The following AGBL1 variants were observed in gnomAD, a reference collection of about 807,000 sequenced individuals.
The protein encoded by AGBL1 is cytosolic carboxypeptidase 4.
A neutral mutation model predicts 118.9 loss-of-function variants in AGBL1; 130 were observed. The ratio of observed to expected loss-of-function variants is 1.09; its 90% CI spans 0.95 to 1.26. AGBL1 has a LOEUF of 1.26. AGBL1 is among the 50% of genes most tolerant of loss of function. The pLI, the probability that AGBL1 is intolerant of heterozygous loss-of-function variation, is 0.00. For missense variants in AGBL1, 1,584 were observed against 1,298.1 expected, an observed-to-expected ratio of 1.22 and a Z score of -3.38; for synonymous variants, 555 against 478.9, an observed-to-expected ratio of 1.16 and a Z score of -2.08.
chr15:86,477,944 A>T lies in AGBL1; in HGVS notation c.2556-44866A>T, dbSNP rs189284234. On this transcript the variant is annotated intron_variant, in intron 18 of 22. Transcript: ENST00000614907. The stretch of plus-strand genomic sequence containing the variant: ...TGATTCAACATACGCAAATCAAGAA[A>T]CATAATCCAGCATATAAACAGAATG... Among the ~76,000 whole-genome samples the T allele has an allele frequency of 2.4e-3, 363 of 152,312 alleles. 1 individual carries two copies. Among genetic ancestry groups the T allele is most frequent in the African/African-American group, 8.5e-3 (353 of 41,552 alleles).
At chr15:86,509,518 G>T (rs2083026842) in intron 18 of AGBL1, among the ~76,000 whole-genome samples, 1 of 152,086 alleles carries the variant, frequency 6.6e-6, no homozygotes, top group South Asian at 2.1e-4. Flanking sequence ...TAGGTAACAG[G>T]AGTCAGTGAA....
intron 22 of AGBL1, among the ~76,000 whole-genome samples, chr15:86,752,417 A>G (rs2077868122): frequency 6.6e-6 from 1 of 152,144 alleles, no homozygotes; most frequent in Non-Finnish European, 1.5e-5. Context: ...AGACAAAGCC[A>G]TTCATCTTTT....
At chr15:86,574,725 G>T (rs1051729432) in intron 21 of AGBL1, among the ~76,000 whole-genome samples, 1 of 151,366 alleles carries the variant, frequency 6.6e-6, no homozygotes, top group Admixed American at 6.6e-5. Context: ...CTACAGGCAA[G>T]CACCACCACT....
At chr15:86,842,448 T>C (rs1381566454) in intron 22 of AGBL1, among the ~76,000 whole-genome samples, 1 of 152,182 alleles carries the variant, frequency 6.6e-6, no homozygotes, top group African/African-American at 2.4e-5. Context: ...GGCCCAGCCA[T>C]GGGGCTGGTC....
chr15:86,138,734 C>A (rs932629091), intron 1 of AGBL1, among the ~76,000 whole-genome samples: 1 of 151,972 alleles, frequency 6.6e-6, no homozygotes, highest in Non-Finnish European at 1.5e-5. Flanking sequence ...CTTTTCCTTG[C>A]TCATGATTTA....
chr15:86,468,815 G>T (rs1596152790), intron 18 of AGBL1, among the ~76,000 whole-genome samples: 1 of 152,274 alleles, frequency 6.6e-6, no homozygotes, highest in African/African-American at 2.4e-5. Context: ...GGGATGTAAA[G>T]AAATTAGGAG....
At chr15:86,745,830 A>T (rs2077748460) in intron 22 of AGBL1, among the ~76,000 whole-genome samples, 1 of 151,962 alleles carries the variant, frequency 6.6e-6, no homozygotes, top group Non-Finnish European at 1.5e-5. Context: ...TTCCCATGAC[A>T]CCTGGAGAAC....
At chr15:86,704,514 C>T (rs900309947) in intron 22 of AGBL1, among the ~76,000 whole-genome samples, 3 of 152,066 alleles carry the variant, frequency 2.0e-5, no homozygotes, top group African/African-American at 7.2e-5. Context: ...TTTATGTGGC[C>T]AACAAACATA....
intron 23 of AGBL1, among the ~76,000 whole-genome samples, chr15:86,965,201 C>T (rs184011648): frequency 3.9e-5 from 6 of 152,208 alleles, no homozygotes; most frequent in East Asian, 3.9e-4. Flanking sequence ...CTTGAGGAAT[C>T]GCCACACTCT....
At chr15:86,683,198 G>T (rs1186289563) in intron 22 of AGBL1, among the ~76,000 whole-genome samples, 3 of 151,966 alleles carry the variant, frequency 2.0e-5, no homozygotes, top group Admixed American at 6.6e-5. Context: ...TCTCTTTATA[G>T]TTCCTTAACG....
At chr15:86,224,170 C>A (rs1597582936) in intron 5 of AGBL1, among the ~76,000 whole-genome samples, 1 of 152,144 alleles carries the variant, frequency 6.6e-6, no homozygotes, top group East Asian at 1.9e-4. Context: ...CAACTCTCCT[C>A]CCTATAATTA....
intron 23 of AGBL1, among the ~76,000 whole-genome samples, chr15:86,986,254 A>C (rs779986386): frequency 6.6e-6 from 1 of 152,184 alleles, no homozygotes; most frequent in Non-Finnish European, 1.5e-5. Context: ...ACTATCTGTA[A>C]AGAATTAAAT....
chr15:86,783,242 C>G (rs1262291285), intron 22 of AGBL1, among the ~76,000 whole-genome samples: 1 of 152,182 alleles, frequency 6.6e-6, no homozygotes, highest in Non-Finnish European at 1.5e-5. Flanking sequence ...TCTTCTACCA[C>G]GAGTCCTAAG....
chr15:86,638,651 T>G (rs571511917), intron 21 of AGBL1, among the ~76,000 whole-genome samples: 2 of 152,252 alleles, frequency 1.3e-5, no homozygotes, highest in South Asian at 4.1e-4. Context: ...GAGCTTGCCT[T>G]AAGAGGAGGC....
rs1421806820 is a variant in AGBL1, at chr15:86,910,842, G to C, written c.*3548G>C. 6.6e-6 allele frequency: 1 copy of C among 152,176 alleles called. No individual in the cohort carries two copies. The highest frequency in any genetic ancestry group is 6.5e-5 in the Admixed American group (1 of 15,274). The allele number at this position is 152,176 out of a possible 1,614,324, so 9.4% of individuals were successfully genotyped here. ...GGAAGGCAATTGATTGGAGGGAAGAGGGGACTTGGGAGCAGACCTCTCTCC... is the reference window on the plus strand; with the variant it reads ...GGAAGGCAATTGATTGGAGGGAAGACGGGACTTGGGAGCAGACCTCTCTCC... On this transcript the variant is annotated 3_prime_UTR_variant, in exon 23 of 23. Coordinates refer to ENST00000614907, the MANE Select transcript of AGBL1 (RefSeq NM_001386094.1).
intron 17 of AGBL1, among the ~76,000 whole-genome samples, chr15:86,300,389 C>T (rs1423686905): frequency 1.3e-5 from 2 of 152,164 alleles, no homozygotes; most frequent in African/African-American, 4.8e-5. Flanking sequence ...CATTTAGACC[C>T]TATAACAACA....
intron 1 of AGBL1, among the ~76,000 whole-genome samples, chr15:86,121,952 A>G (rs1898117453): frequency 6.6e-6 from 1 of 152,234 alleles, no homozygotes; most frequent in African/African-American, 2.4e-5. Flanking sequence ...ATACAAGGCC[A>G]AACTTAAGGG....
At chr15:86,691,168 T>C (rs938954230) in intron 22 of AGBL1, among the ~76,000 whole-genome samples, 9 of 152,114 alleles carry the variant, frequency 5.9e-5, no homozygotes, top group Non-Finnish European at 1.5e-5. Context: ...TTGTGTGGTG[T>C]ATTCCTGGAG....
intron 21 of AGBL1, among the ~76,000 whole-genome samples, chr15:86,592,054 A>G (rs867991659): frequency 2.6e-5 from 4 of 152,338 alleles, no homozygotes; most frequent in African/African-American, 4.8e-5. Context: ...ACCCACCTCA[A>G]TGCATCATAT....
Sources: gnomAD v4.1 joint callset for allele counts (sites outside exome capture counted in the v4.1 genomes callset) on GRCh38, gnomAD v4.1.1 for gene constraint, MANE v1.5 for transcripts, NCBI Gene and HGNC (gene_info 2026-07-23, HGNC 2026-07-21) for gene names.